SCRN1: variants seen among roughly 807,000 people sequenced by gnomAD.
SCRN1 encodes the protein secernin-1.
Under a neutral mutation model 43.3 loss-of-function variants are expected in SCRN1, and 19 were observed. The observed-to-expected ratio is 0.44, with a 90% CI of 0.31 to 0.64. SCRN1 has a LOEUF of 0.64. Ranked by LOEUF, SCRN1 falls within the 30% of genes least tolerant of loss-of-function variation. SCRN1 has a pLI of 0.09. For missense variants in SCRN1, 447 were observed against 524.1 expected, an observed-to-expected ratio of 0.85 and a Z score of 1.44; for synonymous variants, 183 against 188.9, an observed-to-expected ratio of 0.97 and a Z score of 0.26.
At chr7:29,944,257 A>C in intron 3 of SCRN1, 78 bp from the exon 4 acceptor site, 1 of 1,328,280 alleles carries the variant, frequency 7.5e-7, no homozygotes, top group South Asian at 1.2e-5. Flanking sequence ...AAGACTGGGC[A>C]AGGCCGAGTT....
intron 2 of SCRN1, among the ~76,000 whole-genome samples, chr7:29,964,486 T>C (rs1788425436): frequency 7.0e-6 from 1 of 142,858 alleles, no homozygotes; most frequent in African/African-American, 2.6e-5. Context: ...CACAATAGGA[T>C]CAGTGATTTC....
In SCRN1 at chr7:29,920,948, T is replaced by C. The variant is rs924453930; in HGVS notation, c.*3009A>G. The C allele has an allele frequency of 1.1e-4, 17 of 152,488 alleles. No individual in the cohort carries two copies. Among genetic ancestry groups the C allele is most frequent in the Non-Finnish European group, 2.1e-4 (14 of 68,034 alleles). The allele number at this position is 152,488 out of a possible 1,614,324, so 9.4% of individuals were successfully genotyped here. A position where few individuals can be genotyped will look rare whatever the true frequency, so the allele number is the denominator to read the frequency against. ...CACTAAGGAACCTCCATAATTTCGA[T>C]TATATTCTACCTAAAATTTCAAAGC... On this transcript the variant is annotated 3_prime_UTR_variant, in exon 8 of 8. Coordinates refer to ENST00000242059, the MANE Select transcript of SCRN1 (RefSeq NM_014766.5).
chr7:29,925,482 T>C (rs895047491), intron 7 of SCRN1, among the ~76,000 whole-genome samples: 1 of 152,158 alleles, frequency 6.6e-6, no homozygotes, highest in Non-Finnish European at 1.5e-5. Context: ...ACATAAATAG[T>C]TGGGGAAAAC....
In SCRN1 at chr7:29,970,051, A is replaced by T. The variant is rs574069250; in HGVS notation, c.-1-983T>A. The T allele has an allele frequency of 1.0e-4, 35 of 346,886 alleles. 1 individual carries two copies. The highest frequency in any genetic ancestry group is 7.4e-4 in the South Asian group (33 of 44,724). The allele number at this position is 346,886 out of a possible 1,614,324, so 21.5% of individuals were successfully genotyped here. ...GCCACCACCATCTCCAGCCTGGACCACTACAATAACTTCCGGAGGGGTTGC... is the reference window on the plus strand; with the variant it reads ...GCCACCACCATCTCCAGCCTGGACCTCTACAATAACTTCCGGAGGGGTTGC... On this transcript the variant is annotated intron_variant, in intron 1 of 7. Coordinates refer to ENST00000242059, the MANE Select transcript of SCRN1 (RefSeq NM_014766.5).
At chr7:29,975,263 C>T (rs560113442) in intron 1 of SCRN1, among the ~76,000 whole-genome samples, 13 of 152,208 alleles carry the variant, frequency 8.5e-5, no homozygotes, top group Admixed American at 3.9e-4. Context: ...TCTACTTAAA[C>T]GGGTGTTAAA....
intron 6 of SCRN1, among the ~76,000 whole-genome samples, chr7:29,931,615 T>A (rs570485690): frequency 1.1e-3 from 171 of 152,334 alleles, no homozygotes; most frequent in African/African-American, 4.1e-3. Context: ...TGCTTTAGAA[T>A]TTAGAATTTA....
chr7:29,957,513 C>T (rs1017965452), intron 2 of SCRN1, among the ~76,000 whole-genome samples: 1 of 152,228 alleles, frequency 6.6e-6, no homozygotes, highest in African/African-American at 2.4e-5. Context: ...TATACTATCT[C>T]CCCCAGCTAG....
In SCRN1 at chr7:29,955,249, C is replaced by T. The variant is rs146176822; in HGVS notation, c.271G>A (p.Ala91Thr). 4 of 1,614,176 alleles carry T rather than the reference C, an allele frequency of 2.5e-6. No homozygotes were observed. The highest frequency in any genetic ancestry group is 3.4e-6 in the Non-Finnish European group (4 of 1,180,032). The change falls in exon 3 of 8, where the codon GCC becomes ACC. Residue 91 changes from alanine to threonine, a missense_variant. By Grantham distance (58) the Ala-to-Thr change is moderately conservative. Coordinates refer to ENST00000242059, the MANE Select transcript of SCRN1 (RefSeq NM_014766.5). ...MGANEHGVCIANEAINTREPA... is the reference protein window; with the variant it reads ...MGANEHGVCITNEAINTREPA... ...TCTCTGGTGTTGATGGCTTCATTGG[C>T]TATGCACACTCCATGTTCATTGGCT...
rs575091519 is a variant in SCRN1, at chr7:29,950,765, C to T, written c.341+4414G>A. On this transcript the variant is annotated intron_variant, in intron 3 of 7. Transcript: ENST00000242059. The surrounding 1 kb of genome is among the most constrained non-coding windows in gnomAD (Gnocchi z 4.5). ...CCTGCCTGCAGCAGAAGGGAGCTACCCACTACAGGTCTCCTCTCTGCTGAG... is the reference window on the plus strand; with the variant it reads ...CCTGCCTGCAGCAGAAGGGAGCTACTCACTACAGGTCTCCTCTCTGCTGAG... 6.6e-6 allele frequency among the ~76,000 whole-genome samples: 1 copy of T among 152,320 alleles called. No individual in the cohort carries two copies. Among genetic ancestry groups the T allele is most frequent in the Admixed American group, 6.5e-5 (1 of 15,296 alleles).
chr7:29,936,521 T>C (rs377096780), intron 6 of SCRN1, 35 bp downstream of exon 6: 6 of 1,508,662 alleles, frequency 4.0e-6, no homozygotes, highest in Non-Finnish European at 5.4e-6. Flanking sequence ...GGGAAGCACT[T>C]ATGTTCTGCC....
chr7:29,928,404 C>T (rs1448858148), intron 6 of SCRN1, among the ~76,000 whole-genome samples: 1 of 152,168 alleles, frequency 6.6e-6, no homozygotes, highest in Non-Finnish European at 1.5e-5. Context: ...TGCCATGGGA[C>T]AGGAGTCTCA....
intron 4 of SCRN1, among the ~76,000 whole-genome samples, chr7:29,942,408 TG>T (rs1787587223): frequency 6.6e-6 from 1 of 152,358 alleles, no homozygotes; most frequent in African/African-American, 2.4e-5. Context: ...GCATTCATTT[TG>T]TGTAATTTTT....
rs1423550001 is a variant in SCRN1, at chr7:29,948,172, T to C, written c.342-3993A>G. Reference sequence around the variant, plus strand: ...ATTCCTGCGTCATTGACAGGTGAAGTAAAATGTGCTCCACTACATAGAGGA... The same window carrying C: ...ATTCCTGCGTCATTGACAGGTGAAGCAAAATGTGCTCCACTACATAGAGGA... On this transcript the variant is annotated intron_variant, in intron 3 of 7. Coordinates refer to ENST00000242059, the MANE Select transcript of SCRN1 (RefSeq NM_014766.5). Among the ~76,000 whole-genome samples the C allele has an allele frequency of 2.6e-5, 4 of 152,096 alleles. No homozygotes were observed. In the East Asian group the frequency reaches 7.7e-4, roughly 29 times the overall value.
chr7:29,966,176 A>C (rs1788487548), intron 2 of SCRN1, among the ~76,000 whole-genome samples: 1 of 148,596 alleles, frequency 6.7e-6, no homozygotes, highest in South Asian at 2.2e-4. Flanking sequence ...AGAGAGAGAG[A>C]GAGAGAGAGA....
chr7:29,934,774 C>T (rs1425162133), intron 6 of SCRN1, among the ~76,000 whole-genome samples: 5 of 152,188 alleles, frequency 3.3e-5, no homozygotes, highest in South Asian at 2.1e-4. Context: ...CCAGGAGCGG[C>T]GTAGAGCAGT....
intron 2 of SCRN1, 46 bp from the exon 3 acceptor site, chr7:29,955,406 C>G (rs374366345): frequency 2.5e-6 from 4 of 1,568,992 alleles, no homozygotes; most frequent in Non-Finnish European, 3.5e-6. Context: ...CTGTCAGGTA[C>G]CACCTCATTT....
intron 1 of SCRN1, among the ~76,000 whole-genome samples, chr7:29,982,579 A>C (rs1789021700): frequency 6.6e-6 from 1 of 151,680 alleles, no homozygotes; most frequent in Non-Finnish European, 1.5e-5. Flanking sequence ...GCTACTCAGA[A>C]GGCTGAGGTG....
chr7:29,961,787 C>A (rs1046040432), intron 2 of SCRN1, among the ~76,000 whole-genome samples: 2 of 146,526 alleles, frequency 1.4e-5, no homozygotes, highest in Non-Finnish European at 3.1e-5. Context: ...CTGACCCCCC[C>A]ACCTCCCTCC....
Position 29,950,548 on chromosome 7 carries a change from C to T in SCRN1, c.341+4631G>A, listed in dbSNP as rs889607122. 6.6e-5 allele frequency among the ~76,000 whole-genome samples: 10 copies of T among 152,228 alleles called. No homozygotes were observed. Among genetic ancestry groups the T allele is most frequent in the Non-Finnish European group, 1.0e-4 (7 of 68,036 alleles). On this transcript the variant is annotated intron_variant, in intron 3 of 7. Transcript: ENST00000242059. This position sits in a 1 kb window ranked among gnomAD's most constrained non-coding sequence, Gnocchi z 4.5. ...AGCCCGGAGGCTGGTCTGCTAGTTC[C>T]GGGTGGAGTACGCAGCCCAGAGTGA... is the stretch of plus-strand genomic sequence containing the variant.
Sources: gnomAD v4.1 joint callset for allele counts (sites outside exome capture counted in the v4.1 genomes callset) on GRCh38, gnomAD v4.1.1 for gene constraint, Gnocchi (gnomAD v3.1) non-coding constraint, MANE v1.5 for transcripts, NCBI Gene and HGNC (gene_info 2026-07-23, HGNC 2026-07-21) for gene names.